NBAS: variants seen among roughly 807,000 people sequenced by gnomAD.
NBAS encodes NAG/BC035112 fusion.
NBAS carries 219 observed loss-of-function variants against 302.5 expected under a neutral mutation model. The observed-to-expected ratio is 0.72, with a 90% CI of 0.65 to 0.81. The LOEUF (loss-of-function observed/expected upper bound fraction) is 0.81, where lower values mean the gene tolerates loss of function less well. NBAS is among the 30% of genes least tolerant of loss of function. The pLI is 0.00. For synonymous variants in NBAS, 1,118 were observed against 1,021.6 expected (o/e 1.09, Z -1.80); for missense variants, 2,932 against 2,841.6 (o/e 1.03, Z -0.72).
the NBAS span, among the ~76,000 whole-genome samples, chr2:14,966,270 C>T: frequency 6.6e-6 from 1 of 152,188 alleles, no homozygotes; most frequent in Non-Finnish European, 1.5e-5. Flanking sequence ...CCCGAGGAAA[C>T]TAGTGCAATA....
intron 50 of NBAS, 50 bp from the exon 51 acceptor site, chr2:15,179,166 C>G: frequency 5.6e-6 from 9 of 1,612,904 alleles, no homozygotes; most frequent in Non-Finnish European, 7.6e-6. Flanking sequence ...GTACTTCTCA[C>G]CGGCACGGTT....
At chr2:14,968,277 C>A in the NBAS span, among the ~76,000 whole-genome samples, 1 of 152,126 alleles carries the variant, frequency 6.6e-6, no homozygotes, top group Non-Finnish European at 1.5e-5. Context: ...AATCAAAAGA[C>A]AAAGAACCCA....
rs534420087 is a variant in NBAS, at chr2:15,402,160, A to G, written c.3071+8T>C. ...ACACAATAAGACTGGCATACTGTGT[A>G]TTCTTACCCATATCCTCTTTCTGGC... On this transcript the variant is annotated splice_region_variant and intron_variant, in intron 26 of 51. Transcript: ENST00000281513. 1.7e-5 allele frequency: 27 copies of G among 1,613,370 alleles called. No homozygotes were observed. In the African/African-American group the frequency reaches 3.5e-4, roughly 21 times the overall value.
At chr2:14,995,462 G>A in the NBAS span, among the ~76,000 whole-genome samples, 1 of 152,142 alleles carries the variant, frequency 6.6e-6, no homozygotes, top group Non-Finnish European at 1.5e-5. Flanking sequence ...TTCCTGCCAC[G>A]GGCTGTTGCA....
Position 15,511,264 on chromosome 2 carries a change from G to A in NBAS, c.833C>T (p.Ser278Leu). The A allele has an allele frequency of 6.2e-7, 1 of 1,614,092 alleles. No individual in the cohort carries two copies. Among genetic ancestry groups the A allele is most frequent in the Non-Finnish European group, 8.5e-7 (1 of 1,179,990 alleles). ...AACCTGCTTATAATACGGTGATCCT[G>A]AAAGAACTCTCCAGGCAGAAAGGCC... ...SCGLSAWRVL[S>L]GSPYYKQVTN... The change falls in exon 10 of 52, where the codon TCA (serine) becomes TTA (leucine). Residue 278 changes from serine to leucine, a missense_variant. Coordinates refer to ENST00000281513, the MANE Select transcript of NBAS (RefSeq NM_015909.4).
intron 35 of NBAS, among the ~76,000 whole-genome samples, chr2:15,345,131 C>T (rs1673030902): frequency 6.6e-6 from 1 of 152,126 alleles, no homozygotes; most frequent in Admixed American, 6.5e-5. Context: ...CGCTCCTATT[C>T]AACATAGTAC....
the NBAS span, among the ~76,000 whole-genome samples, chr2:15,160,447 G>A: frequency 6.6e-6 from 1 of 152,188 alleles, no homozygotes; most frequent in Admixed American, 6.5e-5. Context: ...GGGCTGGGAG[G>A]AGACACATCT....
chr2:14,972,333 G>A, the NBAS span, among the ~76,000 whole-genome samples: 133 of 152,090 alleles, frequency 8.7e-4, no homozygotes, highest in African/African-American at 3.0e-3. Flanking sequence ...CTTAGAGGAC[G>A]AGTCAACAGG....
At chr2:14,872,870 C>T in the NBAS span, among the ~76,000 whole-genome samples, 3 of 151,808 alleles carry the variant, frequency 2.0e-5, no homozygotes, top group Admixed American at 6.6e-5. Flanking sequence ...GCGGCGCCTC[C>T]GGAGTTGTTT....
the NBAS span, among the ~76,000 whole-genome samples, chr2:15,120,264 G>A: frequency 1.3e-5 from 2 of 152,076 alleles, no homozygotes; most frequent in South Asian, 2.1e-4. Context: ...CCTGTTCCAC[G>A]CCAGGGTATT....
At chr2:15,461,080 C>T in intron 21 of NBAS, 121 bp downstream of exon 21, 1 of 946,894 alleles carries the variant, frequency 1.1e-6, no homozygotes, top group African/African-American at 1.7e-5. Context: ...AATTTTTTAT[C>T]AGGAAAAAAG....
the NBAS span, among the ~76,000 whole-genome samples, chr2:14,799,882 C>T: frequency 2.4e-3 from 366 of 152,226 alleles, no homozygotes; most frequent in African/African-American, 8.0e-3. Flanking sequence ...CTCCACTCGT[C>T]GTTTGTTTAG....
At chr2:15,029,725 C>A in the NBAS span, among the ~76,000 whole-genome samples, 1 of 152,152 alleles carries the variant, frequency 6.6e-6, no homozygotes, top group Admixed American at 6.5e-5. Flanking sequence ...GGGCAAATGA[C>A]CCCATCAAAG....
intron 47 of NBAS, among the ~76,000 whole-genome samples, chr2:15,229,090 C>T (rs1035169143): frequency 1.3e-4 from 19 of 151,838 alleles, no homozygotes; most frequent in African/African-American, 4.6e-4. Flanking sequence ...GCCTGTAATC[C>T]CAGCACTTTG....
intron 5 of NBAS, 76 bp from the exon 6 acceptor site, chr2:15,551,612 A>G: frequency 9.1e-7 from 1 of 1,097,406 alleles, no homozygotes; most frequent in Non-Finnish European, 1.4e-6. Context: ...GATACTGTGG[A>G]CTAGACAGCC....
intron 47 of NBAS, among the ~76,000 whole-genome samples, chr2:15,231,671 T>C (rs1362250989): frequency 6.6e-6 from 1 of 152,148 alleles, no homozygotes; most frequent in Non-Finnish European, 1.5e-5. Flanking sequence ...TAAAAAGATA[T>C]CTGCACCTGA....
At chr2:15,537,659 TATC>T (rs1663583784) in intron 7 of NBAS, among the ~76,000 whole-genome samples, 1 of 152,052 alleles carries the variant, frequency 6.6e-6, no homozygotes, top group Admixed American at 6.6e-5. Context: ...CTATGATCAT[TATC>T]ATTACACCAC....
chr2:14,976,896 G>A, the NBAS span, among the ~76,000 whole-genome samples: 272 of 152,300 alleles, frequency 1.8e-3, no homozygotes, highest in African/African-American at 6.3e-3. Flanking sequence ...CCAACGGAGT[G>A]CAGCCCTGCC....
At chr2:14,832,293 CT>C in the NBAS span, among the ~76,000 whole-genome samples, 1 of 152,110 alleles carries the variant, frequency 6.6e-6, no homozygotes, top group Non-Finnish European at 1.5e-5. Context: ...ATTTGTTTTA[CT>C]TTGTTGGTAC....
Sources: allele counts gnomAD v4.1 joint callset (sites outside exome capture counted in the v4.1 genomes callset), GRCh38; gene constraint gnomAD v4.1.1; transcripts MANE v1.5; gene names NCBI Gene and HGNC (gene_info 2026-07-23, HGNC 2026-07-21).